VRK2: variants seen among roughly 807,000 people sequenced by gnomAD.
VRK2 encodes serine/threonine-protein kinase VRK2.
Under a neutral mutation model 57.6 loss-of-function variants are expected in VRK2, and 60 were observed. The ratio of observed to expected loss-of-function variants is 1.04; its 90% CI spans 0.85 to 1.29. The LOEUF is 1.29. VRK2 is among the 50% of genes most tolerant of loss of function. VRK2 has a pLI of 0.00. For missense variants in VRK2, 705 were observed against 588.1 expected, an observed-to-expected ratio of 1.20 and a Z score of -2.06; for synonymous variants, 231 against 199.2, an observed-to-expected ratio of 1.16 and a Z score of -1.35.
At chr2:58,006,941 C>T (rs1321426750) in intron 1 of VRK2, among the ~76,000 whole-genome samples, 1 of 152,084 alleles carries the variant, frequency 6.6e-6, no homozygotes, top group African/African-American at 2.4e-5. Flanking sequence ...GATCCAGAAT[C>T]CTTCTAATGA....
At chr2:58,044,579 A>G (rs566660474), upstream of VRK2, among the ~76,000 whole-genome samples, 1 of 152,344 alleles carries the variant, frequency 6.6e-6, no homozygotes, top group East Asian at 1.9e-4. Context: ...AGGTACTGGG[A>G]AAAATACAGG....
intron 1 of VRK2, among the ~76,000 whole-genome samples, chr2:57,951,313 C>T: frequency 6.6e-6 from 1 of 152,114 alleles, no homozygotes; most frequent in East Asian, 1.9e-4. Context: ...GCTGCAATCT[C>T]ATGATAAAAC....
At chr2:58,096,125 A>C (rs1673091226) in intron 7 of VRK2, among the ~76,000 whole-genome samples, 1 of 152,084 alleles carries the variant, frequency 6.6e-6, no homozygotes, top group African/African-American at 2.4e-5. Flanking sequence ...CAACCTTTTA[A>C]GGAATAAATC....
At chr2:58,110,266 GT>G (rs1431123521) in intron 7 of VRK2, among the ~76,000 whole-genome samples, 8 of 152,172 alleles carry the variant, frequency 5.3e-5, no homozygotes, top group African/African-American at 1.9e-4. Context: ...GTATATACAT[GT>G]ATGTAGCAAC....
rs766704753 is a variant in VRK2, at chr2:58,135,219, C to T, written c.856+20C>T. The stretch of plus-strand genomic sequence containing the variant: ...GTTGCTGTAAGTCAAATAATAACTT[C>T]AACCTTCTCTTACGATTTACAGGTT... On this transcript the variant is annotated intron_variant, in intron 10 of 12. Coordinates refer to ENST00000340157, the MANE Select transcript of VRK2 (RefSeq NM_006296.7). The T allele has an allele frequency of 1.9e-5, 30 of 1,613,710 alleles. No individual in the cohort carries two copies. The highest frequency in any genetic ancestry group is 2.5e-5 in the Non-Finnish European group (29 of 1,179,802).
At chr2:57,974,616 A>G (rs1672192977) in intron 1 of VRK2, among the ~76,000 whole-genome samples, 1 of 151,936 alleles carries the variant, frequency 6.6e-6, no homozygotes. Flanking sequence ...AAATTTGAAC[A>G]TATAAACTGT....
At chr2:58,066,752 C>T (rs1321157179) in intron 2 of VRK2, among the ~76,000 whole-genome samples, 1 of 152,098 alleles carries the variant, frequency 6.6e-6, no homozygotes, top group East Asian at 1.9e-4. Context: ...GTTTCACTTT[C>T]TTTAGTGGTT....
At chr2:58,116,439 A>G (rs1220004337) in intron 7 of VRK2, among the ~76,000 whole-genome samples, 1 of 152,002 alleles carries the variant, frequency 6.6e-6, no homozygotes. Context: ...AGAGTGCTTA[A>G]AAGAGTATTG....
intron 2 of VRK2, among the ~76,000 whole-genome samples, chr2:58,030,172 G>A (rs1674069396): frequency 6.6e-6 from 1 of 151,932 alleles, no homozygotes; most frequent in Non-Finnish European, 1.5e-5. Flanking sequence ...TGATACCAAG[G>A]TTTTGCTCAA....
At chr2:58,054,771 T>C (rs1020015076) in intron 2 of VRK2, among the ~76,000 whole-genome samples, 1 of 152,168 alleles carries the variant, frequency 6.6e-6, no homozygotes, top group Non-Finnish European at 1.5e-5. Flanking sequence ...GATACTTGAT[T>C]TTGCAATTAG....
At chr2:57,962,843 A>T (rs1671801731) in intron 1 of VRK2, among the ~76,000 whole-genome samples, 1 of 152,188 alleles carries the variant, frequency 6.6e-6, no homozygotes, top group East Asian at 1.9e-4. Flanking sequence ...CTAGCAAACA[A>T]GAGGATAATT....
intron 1 of VRK2, among the ~76,000 whole-genome samples, chr2:57,935,624 G>A (rs1023968757): frequency 6.6e-6 from 1 of 152,106 alleles, no homozygotes; most frequent in African/African-American, 2.4e-5. Flanking sequence ...AGTTCACAAA[G>A]TGGTTAGTAG....
intron 9 of VRK2, among the ~76,000 whole-genome samples, chr2:58,132,588 G>C (rs990318972): frequency 6.6e-6 from 1 of 152,104 alleles, no homozygotes; most frequent in Admixed American, 6.6e-5. Context: ...ATTGCATAGA[G>C]CACAGAATAG....
chr2:57,962,238 C>G (rs917055738), intron 1 of VRK2, among the ~76,000 whole-genome samples: 30 of 152,014 alleles, frequency 2.0e-4, no homozygotes, highest in Non-Finnish European at 4.4e-5. Context: ...AAGGAAGACC[C>G]AGAATGGTTA....
At chr2:57,916,133 G>A (rs1022668505) in intron 1 of VRK2, among the ~76,000 whole-genome samples, 6 of 152,058 alleles carry the variant, frequency 3.9e-5, no homozygotes, top group Non-Finnish European at 7.4e-5. Context: ...AAGGGCGGGC[G>A]CGGTGGCTCA....
intron 12 of VRK2, among the ~76,000 whole-genome samples, chr2:58,157,486 A>G (rs1684093892): frequency 6.6e-6 from 1 of 152,136 alleles, no homozygotes. Flanking sequence ...AGAAATTGCT[A>G]AATGTCCTCT....
At chr2:58,068,443 G>A (rs1322417308) in intron 2 of VRK2, among the ~76,000 whole-genome samples, 3 of 152,058 alleles carry the variant, frequency 2.0e-5, no homozygotes, top group African/African-American at 7.2e-5. Context: ...CACTCTGGCT[G>A]CTTTCAAGAT....
chr2:58,114,048 G>A (rs1483085078), intron 7 of VRK2, among the ~76,000 whole-genome samples: 1 of 152,124 alleles, frequency 6.6e-6, no homozygotes, highest in Non-Finnish European at 1.5e-5. Flanking sequence ...CTTGTGGTAA[G>A]GGGTGATATT....
At chr2:57,930,020 C>T (rs1003848020) in intron 1 of VRK2, among the ~76,000 whole-genome samples, 3 of 152,044 alleles carry the variant, frequency 2.0e-5, no homozygotes, top group African/African-American at 7.2e-5. Flanking sequence ...AGCTGCACCA[C>T]CTGGGGCTGG....
Sources: gnomAD v4.1 joint callset for allele counts (sites outside exome capture counted in the v4.1 genomes callset) on GRCh38, gnomAD v4.1.1 for gene constraint, MANE v1.5 for transcripts, NCBI Gene and HGNC (gene_info 2026-07-23, HGNC 2026-07-21) for gene names.